The following FCHSD2 variants were observed in gnomAD, a reference collection of about 807,000 sequenced individuals.
The protein encoded by FCHSD2 is F-BAR and double SH3 domains protein 2.
Under a neutral mutation model 108.1 loss-of-function variants are expected in FCHSD2, and 38 were observed. The observed-to-expected ratio is 0.35, with a 90% CI of 0.27 to 0.46. FCHSD2 has a LOEUF of 0.46. FCHSD2 is among the 20% of genes least tolerant of loss of function. The probability of loss-of-function intolerance (pLI) is 1.00; values close to 1 mark genes in which losing one functional copy is unlikely to be tolerated. For missense variants in FCHSD2, 751 were observed against 897.8 expected, an observed-to-expected ratio of 0.84 and a Z score of 2.09; for synonymous variants, 279 against 314.7, an observed-to-expected ratio of 0.89 and a Z score of 1.20.
chr11:72,900,138 A>T (rs1221918070), intron 10 of FCHSD2: 2 of 588,578 alleles, frequency 3.4e-6, no homozygotes, highest in African/African-American at 3.8e-5. Context: ...CAGCTGGTGC[A>T]TCAGGGCCTC....
intron 9 of FCHSD2, among the ~76,000 whole-genome samples, chr11:72,917,529 C>A (rs1356804403): frequency 6.6e-6 from 1 of 152,092 alleles, no homozygotes; most frequent in Non-Finnish European, 1.5e-5. Context: ...GTGAGTCCTC[C>A]AACTTTATTT....
intron 8 of FCHSD2, among the ~76,000 whole-genome samples, chr11:72,976,111 G>C (rs1857099316): frequency 6.6e-6 from 1 of 152,152 alleles, no homozygotes; most frequent in Non-Finnish European, 1.5e-5. Flanking sequence ...CCAGGGTCTA[G>C]CAATAGTTTT....
At chr11:72,850,515 G>A (rs1054011389) in intron 13 of FCHSD2, among the ~76,000 whole-genome samples, 4 of 151,582 alleles carry the variant, frequency 2.6e-5, no homozygotes, top group African/African-American at 7.3e-5. Context: ...CACCACGCCC[G>A]GCTAATTTTT....
At chr11:72,953,041 T>A (rs1377090366) in intron 8 of FCHSD2, among the ~76,000 whole-genome samples, 1 of 152,192 alleles carries the variant, frequency 6.6e-6, no homozygotes, top group African/African-American at 2.4e-5. Flanking sequence ...GTGCAAAGAA[T>A]AAGAGATATT....
chr11:73,060,235 C>A (rs1432745819), intron 3 of FCHSD2, among the ~76,000 whole-genome samples: 1 of 152,122 alleles, frequency 6.6e-6, no homozygotes. Flanking sequence ...GAAGTTTAAA[C>A]AAATGTCTAA....
chr11:73,003,580 G>A (rs61896233), intron 4 of FCHSD2, among the ~76,000 whole-genome samples: 3,042 of 148,306 alleles, frequency 0.021, 52 homozygotes, highest in Non-Finnish European at 0.03. Context: ...TCCACCTCCC[G>A]GGTTCACGCC....
chr11:72,934,074 A>G (rs992813982), intron 8 of FCHSD2, among the ~76,000 whole-genome samples: 1 of 126,820 alleles, frequency 7.9e-6, no homozygotes, highest in Admixed American at 1.0e-4. Context: ...GCGCCACTAC[A>G]CTCCAGCCTG....
chr11:73,026,027 T>TGTAC (rs1342077924), intron 3 of FCHSD2, among the ~76,000 whole-genome samples: 1 of 152,088 alleles, frequency 6.6e-6, no homozygotes, highest in Admixed American at 6.5e-5. Flanking sequence ...TATGTATGTA[T>TGTAC]GTATGTATGT....
chr11:73,009,040 T>TA (rs879944961), intron 4 of FCHSD2, among the ~76,000 whole-genome samples: 3,437 of 142,656 alleles, frequency 0.024, 128 homozygotes, highest in African/African-American at 0.081. Flanking sequence ...TTCTCAAATT[T>TA]AAAAAAAAAA....
chr11:73,077,799 C>T (rs1859592829), intron 3 of FCHSD2: 1 of 268,836 alleles, frequency 3.7e-6, no homozygotes, highest in Non-Finnish European at 7.4e-6. Flanking sequence ...ACTCTGGGGG[C>T]TTACAGATGT....
chr11:72,867,333 A>G (rs796961859), intron 13 of FCHSD2, among the ~76,000 whole-genome samples: 1 of 152,228 alleles, frequency 6.6e-6, no homozygotes, highest in East Asian at 1.9e-4. Context: ...ACTTGAAGTA[A>G]GGAGACTTAA....
In FCHSD2 at chr11:72,872,352, A is replaced by G. The variant is rs78216886; in HGVS notation, c.1147-4326T>C. Among the ~76,000 whole-genome samples, 806 of 148,304 alleles carry G rather than the reference A, an allele frequency of 5.4e-3. 4 individuals are homozygous for G. Among genetic ancestry groups the G allele is most frequent in the South Asian group, 0.013 (63 of 4,736 alleles). Reference sequence around the variant, plus strand: ...TCAAGTCTGAAATTCAGTGGCTTACAGTATATTCATAGTACATGCAACCAT... The same window carrying G: ...TCAAGTCTGAAATTCAGTGGCTTACGGTATATTCATAGTACATGCAACCAT... On this transcript the variant is annotated intron_variant, in intron 12 of 19. Coordinates refer to ENST00000409418, the MANE Select transcript of FCHSD2 (RefSeq NM_014824.3).
intron 3 of FCHSD2, among the ~76,000 whole-genome samples, chr11:73,022,603 G>T (rs1858134928): frequency 6.6e-6 from 1 of 152,140 alleles, no homozygotes; most frequent in Non-Finnish European, 1.5e-5. Flanking sequence ...GAATCTAAAT[G>T]GATGGAGAGA....
At chr11:72,966,265 T>G (rs561100237) in intron 8 of FCHSD2, among the ~76,000 whole-genome samples, 1 of 151,776 alleles carries the variant, frequency 6.6e-6, no homozygotes, top group Non-Finnish European at 1.5e-5. Context: ...GTTCATGCAA[T>G]TCTCCTGTCT....
chr11:72,976,016 A>G lies in FCHSD2; in HGVS notation c.705+8072T>C, dbSNP rs1012798514. Among the ~76,000 whole-genome samples, 3 of 152,244 alleles carry G rather than the reference A, an allele frequency of 2.0e-5. No individual in the cohort carries two copies. In the South Asian group the frequency reaches 6.2e-4, roughly 31 times the overall value. On this transcript the variant is annotated intron_variant, in intron 8 of 19. Coordinates refer to ENST00000409418, the MANE Select transcript of FCHSD2 (RefSeq NM_014824.3). ...ATATTGCACAAGAACATGCTATGAA[A>G]AAGGAACATGTGAGGAACAAATTAT...
intron 5 of FCHSD2, among the ~76,000 whole-genome samples, chr11:72,995,794 A>G (rs1490167399): frequency 6.6e-6 from 1 of 152,076 alleles, no homozygotes. Context: ...TAACTTGAAT[A>G]TAAGAATACA....
intron 8 of FCHSD2, among the ~76,000 whole-genome samples, chr11:72,980,675 G>GTATATATA (rs35298009): frequency 6.9e-6 from 1 of 144,072 alleles, no homozygotes; most frequent in Non-Finnish European, 1.5e-5. Context: ...GTGTGTGTGT[G>GTATATATA]TATATATATA....
At chr11:72,906,527 T>C (rs1325306487) in intron 9 of FCHSD2, among the ~76,000 whole-genome samples, 3 of 152,212 alleles carry the variant, frequency 2.0e-5, no homozygotes, top group African/African-American at 7.2e-5. Flanking sequence ...TGGTATTGCC[T>C]AGGTTTTCTT....
Position 72,889,909 on chromosome 11 carries a change from C to T in FCHSD2, c.961G>A (p.Glu321Lys), listed in dbSNP as rs1406036098. ...QLESETGTTE[E>K]HSLNKEARKW... ...CGAGCTTCCTTATTTAGACTGTGCT[C>T]CTCTGTGGTCCCAGTTTCTGATTCT... Residue 321 changes from glutamate (E) to lysine (K), a missense_variant, in exon 11 of 20, where the codon GAG becomes AAG. Glu to Lys is a moderately conservative substitution (Grantham distance 56). Transcript: ENST00000409418. 1 of 1,613,136 alleles carries T rather than the reference C, an allele frequency of 6.2e-7. No individual in the cohort carries two copies. The highest frequency in any genetic ancestry group is 2.2e-5 in the East Asian group (1 of 44,870).
Sources: gnomAD v4.1 joint callset for allele counts (sites outside exome capture counted in the v4.1 genomes callset) on GRCh38, gnomAD v4.1.1 for gene constraint, MANE v1.5 for transcripts, NCBI Gene and HGNC (gene_info 2026-07-23, HGNC 2026-07-21) for gene names.